SLC44A5: variants seen among roughly 807,000 people sequenced by gnomAD.
SLC44A5 encodes solute carrier family 44 member 5.
Under a neutral mutation model 101.8 loss-of-function variants are expected in SLC44A5, and 57 were observed. The observed-to-expected ratio is 0.56, with a 90% CI of 0.45 to 0.70. The LOEUF (loss-of-function observed/expected upper bound fraction) is 0.70, where lower values mean the gene tolerates loss of function less well. Ranked by LOEUF, SLC44A5 falls within the 30% of genes least tolerant of loss-of-function variation. The probability of loss-of-function intolerance (pLI) is 0.00; values close to 1 mark genes in which losing one functional copy is unlikely to be tolerated. For missense variants in SLC44A5, 737 were observed against 853.1 expected (o/e 0.86, Z 1.70); for synonymous variants, 281 against 290.9 (o/e 0.97, Z 0.35).
chr1:75,356,421 T>C (rs1331972894), intron 3 of SLC44A5, among the ~76,000 whole-genome samples: 1 of 151,614 alleles, frequency 6.6e-6, no homozygotes, highest in Non-Finnish European at 1.5e-5. Context: ...GTTTAAAAAT[T>C]AAAAAATATA....
In SLC44A5 at chr1:75,388,361, C is replaced by T. The variant is rs1337310853; in HGVS notation, c.52+8222G>A. On this transcript the variant is annotated intron_variant, in intron 3 of 23. Transcript: ENST00000370859. ...AATAATACTTGCTACCACAAAAACA[C>T]ATAAGTACATAGTCCACAGAACCTA... is the stretch of plus-strand genomic sequence containing the variant. Among the ~76,000 whole-genome samples the T allele has an allele frequency of 2.7e-5, 4 of 150,694 alleles. 1 individual carries two copies. Among genetic ancestry groups the T allele is most frequent in the South Asian group, 4.2e-4 (2 of 4,798 alleles).
intron 7 of SLC44A5, among the ~76,000 whole-genome samples, chr1:75,246,541 G>C (rs2100625261): frequency 6.6e-6 from 1 of 152,126 alleles, no homozygotes; most frequent in Admixed American, 6.6e-5. Flanking sequence ...TAGTGGTAGT[G>C]GGAGACATAT....
intron 2 of SLC44A5, among the ~76,000 whole-genome samples, chr1:75,405,205 G>A (rs1264382585): frequency 6.6e-6 from 1 of 152,100 alleles, no homozygotes; most frequent in Non-Finnish European, 1.5e-5. Flanking sequence ...GATTCATAAA[G>A]CAAGTTCTTA....
chr1:75,449,819 G>A (rs1233184730), intron 2 of SLC44A5, among the ~76,000 whole-genome samples: 1 of 151,996 alleles, frequency 6.6e-6, no homozygotes, highest in East Asian at 1.9e-4. Context: ...TGGCCAACAT[G>A]GTGAAACTTC....
the SLC44A5 span, among the ~76,000 whole-genome samples, chr1:75,646,526 C>T: frequency 3.9e-5 from 6 of 152,102 alleles, no homozygotes; most frequent in South Asian, 1.2e-3. Flanking sequence ...GCTCTGTGTC[C>T]CCACCCAAAT....
intron 5 of SLC44A5, among the ~76,000 whole-genome samples, chr1:75,282,830 C>A (rs879309990): frequency 3.3e-4 from 50 of 152,272 alleles, no homozygotes; most frequent in Admixed American, 2.2e-3. Flanking sequence ...GAGGTCTCCC[C>A]AGCCATGCTG....
At chr1:75,676,871 G>A in the SLC44A5 span, among the ~76,000 whole-genome samples, 21 of 152,234 alleles carry the variant, frequency 1.4e-4, no homozygotes, top group Middle Eastern at 3.4e-3. Flanking sequence ...TCTAAAAGCA[G>A]AAAGAGAAAA....
chr1:75,393,536 C>T (rs1479042485), intron 3 of SLC44A5, among the ~76,000 whole-genome samples: 2 of 152,016 alleles, frequency 1.3e-5, no homozygotes, highest in Non-Finnish European at 2.9e-5. Flanking sequence ...TAGCCAATAT[C>T]CAAAATGGCA....
At chr1:75,501,943 T>A (rs1668983282) in intron 2 of SLC44A5, among the ~76,000 whole-genome samples, 1 of 152,210 alleles carries the variant, frequency 6.6e-6, no homozygotes, top group Admixed American at 6.5e-5. Context: ...GTGCTAAAAA[T>A]GAATCTAACA....
chr1:75,543,792 C>A (rs190877952), intron 1 of SLC44A5, among the ~76,000 whole-genome samples: 2 of 151,396 alleles, frequency 1.3e-5, no homozygotes, highest in East Asian at 3.9e-4. Context: ...GAAGCCCAAC[C>A]TTGTTTGCTA....
chr1:75,346,211 T>A lies in SLC44A5; in HGVS notation c.53-6581A>T, dbSNP rs115129448. On this transcript the variant is annotated intron_variant, in intron 3 of 23. Coordinates refer to ENST00000370859, the MANE Select transcript of SLC44A5 (RefSeq NM_001130058.2). ...GGTATCATGACCTATGATGGTTGTT[T>A]TTCCTCCCAGTCTGAGTAACTTCCT... Among the ~76,000 whole-genome samples the A allele has an allele frequency of 1.7e-3, 259 of 152,248 alleles. 1 individual carries two copies. The highest frequency in any genetic ancestry group is 6.0e-3 in the African/African-American group (248 of 41,570).
At chr1:75,659,456 G>GA in the SLC44A5 span, among the ~76,000 whole-genome samples, 1 of 28,406 alleles carries the variant, frequency 3.5e-5, no homozygotes, top group Non-Finnish European at 8.8e-5. Flanking sequence ...AAGGAAGGAA[G>GA]GAAGGAAGGA....
At chr1:75,532,676 T>C (rs1316036709) in intron 2 of SLC44A5, among the ~76,000 whole-genome samples, 2 of 152,234 alleles carry the variant, frequency 1.3e-5, no homozygotes, top group South Asian at 2.1e-4. Context: ...CCAAAGATTT[T>C]TGTCCATTTT....
chr1:75,636,489 A>G, the SLC44A5 span, among the ~76,000 whole-genome samples: 2 of 152,102 alleles, frequency 1.3e-5, no homozygotes, highest in Non-Finnish European at 2.9e-5. Flanking sequence ...TAGCCTGTAA[A>G]CCCAAAATCC....
At chr1:75,214,111 A>AAT in intron 20 of SLC44A5, 122 bp from the exon 21 acceptor site, 1 of 669,468 alleles carries the variant, frequency 1.5e-6, no homozygotes, top group East Asian at 2.6e-5. Context: ...TGTATTTGGC[A>AAT]ATTGTTTTGC....
chr1:75,584,846 C>T (rs1042441743), intron 1 of SLC44A5, among the ~76,000 whole-genome samples: 2 of 152,190 alleles, frequency 1.3e-5, no homozygotes, highest in African/African-American at 4.8e-5. Context: ...ATCCACCTAC[C>T]TCAGCCTCCC....
chr1:75,335,997 G>T (rs1657414914), intron 4 of SLC44A5, among the ~76,000 whole-genome samples: 1 of 152,068 alleles, frequency 6.6e-6, no homozygotes, highest in Admixed American at 6.6e-5. Flanking sequence ...GTGGGGTCTT[G>T]TCATCTGGTG....
chr1:75,562,660 C>T (rs1557910325), intron 1 of SLC44A5, among the ~76,000 whole-genome samples: 2 of 152,078 alleles, frequency 1.3e-5, no homozygotes, highest in Non-Finnish European at 2.9e-5. Flanking sequence ...GCACTTCAGC[C>T]CAGGTAACAG....
chr1:75,474,779 T>C (rs567179106), intron 2 of SLC44A5, among the ~76,000 whole-genome samples: 1 of 152,346 alleles, frequency 6.6e-6, no homozygotes, highest in South Asian at 2.1e-4. Context: ...TGAGTGGGCT[T>C]CCTTTAAAAA....
Sources: gnomAD v4.1 joint callset for allele counts (sites outside exome capture counted in the v4.1 genomes callset) on GRCh38, gnomAD v4.1.1 for gene constraint, MANE v1.5 for transcripts, NCBI Gene and HGNC (gene_info 2026-07-23, HGNC 2026-07-21) for gene names.